Variants in TRHDE observed in about 807,000 individuals in gnomAD.
The protein encoded by TRHDE is thyrotropin releasing hormone degrading enzyme, also known as thyrotropin-releasing hormone-degrading ectoenzyme.
TRHDE carries 72 observed loss-of-function variants against 125.7 expected under a neutral mutation model. The ratio of observed to expected loss-of-function variants is 0.57; its 90% CI spans 0.47 to 0.70. TRHDE has a LOEUF of 0.70. Ranked by LOEUF, TRHDE falls within the 30% of genes least tolerant of loss-of-function variation. TRHDE has a pLI of 0.00. For missense variants in TRHDE, 1,110 were observed against 1,327.1 expected, an observed-to-expected ratio of 0.84 and a Z score of 2.54; for synonymous variants, 509 against 509.1, an observed-to-expected ratio of 1.00 and a Z score of 0.00.
At chr12:72,542,457 C>T in intron 7 of TRHDE, 101 bp downstream of exon 7, 1 of 887,472 alleles carries the variant, frequency 1.1e-6, no homozygotes, top group Admixed American at 2.5e-5. Context: ...TGGTGGAAAA[C>T]TTTAAGATGT....
chr12:72,379,900 C>G (rs1307596126), intron 3 of TRHDE, among the ~76,000 whole-genome samples: 2 of 152,114 alleles, frequency 1.3e-5, no homozygotes, highest in African/African-American at 2.4e-5. Context: ...TAAAGTTCTA[C>G]TTATTTTATA....
In TRHDE at chr12:72,450,799, C is replaced by A. The variant is rs1431510561; in HGVS notation, c.1316-18959C>A. Among the ~76,000 whole-genome samples, 5 of 152,092 alleles carry A rather than the reference C, an allele frequency of 3.3e-5. No individual in the cohort carries two copies. In the East Asian group the frequency reaches 7.7e-4, roughly 24 times the overall value. ...GGATTCCCTTTTCTTCTCATCCTCT[C>A]CAGCACTTAGTATCTTTTGTTTTTT... On this transcript the variant is annotated intron_variant, in intron 3 of 18. Transcript: ENST00000261180.
chr12:72,503,632 A>G (rs779036256), intron 6 of TRHDE, among the ~76,000 whole-genome samples: 11 of 152,184 alleles, frequency 7.2e-5, no homozygotes, highest in Non-Finnish European at 1.3e-4. Flanking sequence ...TAACTTTCAG[A>G]ATAGTTGAAT....
intron 2 of TRHDE, among the ~76,000 whole-genome samples, chr12:72,185,106 C>T (rs555480619): frequency 7.2e-4 from 110 of 152,268 alleles, no homozygotes; most frequent in Middle Eastern, 3.4e-3. Flanking sequence ...TCTGGGTGGG[C>T]GTGGGCTTGG....
Position 72,602,918 on chromosome 12 carries a change from A to G in TRHDE, c.2322-15973A>G, listed in dbSNP as rs1023349366. On this transcript the variant is annotated intron_variant, in intron 12 of 18. Coordinates refer to ENST00000261180, the MANE Select transcript of TRHDE (RefSeq NM_013381.3). ...CTGGATAGGACCTGCCCCTTCAACTATGGATGGTATTTAAACATAAACCAG... is the reference window on the plus strand; with the variant it reads ...CTGGATAGGACCTGCCCCTTCAACTGTGGATGGTATTTAAACATAAACCAG... Among the ~76,000 whole-genome samples, 24 of 152,286 alleles carry G rather than the reference A, an allele frequency of 1.6e-4. No individual in the cohort carries two copies. In the East Asian group the frequency reaches 4.1e-3, roughly 26 times the overall value.
At chr12:72,607,229 C>T (rs1462597769) in intron 12 of TRHDE, among the ~76,000 whole-genome samples, 3 of 152,058 alleles carry the variant, frequency 2.0e-5, no homozygotes, top group Non-Finnish European at 2.9e-5. Context: ...TTCCTCTGTC[C>T]CCTCTTTTCC....
At chr12:72,252,309 T>G (rs1267708167) in intron 2 of TRHDE, among the ~76,000 whole-genome samples, 1 of 152,146 alleles carries the variant, frequency 6.6e-6, no homozygotes, top group African/African-American at 2.4e-5. Context: ...GTATAAGATG[T>G]GAGGTTAAGG....
chr12:72,207,532 A>C (rs1417645346), intron 2 of TRHDE, among the ~76,000 whole-genome samples: 1 of 152,232 alleles, frequency 6.6e-6, no homozygotes, highest in East Asian at 1.9e-4. Flanking sequence ...GCTAGAATTA[A>C]ATATTTATGC....
At chr12:72,641,959 T>C (rs1274014535) in intron 15 of TRHDE, among the ~76,000 whole-genome samples, 1 of 152,202 alleles carries the variant, frequency 6.6e-6, no homozygotes, top group African/African-American at 2.4e-5. Context: ...AATCACAGTT[T>C]GTGATGCTGA....
At chr12:72,127,896 C>T (rs965088014) in intron 2 of TRHDE, among the ~76,000 whole-genome samples, 5 of 151,922 alleles carry the variant, frequency 3.3e-5, no homozygotes, top group African/African-American at 1.2e-4. Context: ...TATATACACA[C>T]ACACAGACAT....
intron 3 of TRHDE, among the ~76,000 whole-genome samples, chr12:72,391,276 A>G (rs1215942911): frequency 6.6e-6 from 1 of 152,092 alleles, no homozygotes; most frequent in African/African-American, 2.4e-5. Context: ...ATATACTTTG[A>G]AATGTAAAGT....
chr12:72,657,136 A>G (rs1251538755), intron 18 of TRHDE, 128 bp downstream of exon 18: 2 of 634,674 alleles, frequency 3.2e-6, no homozygotes, highest in South Asian at 2.0e-5. Flanking sequence ...CACCACACAC[A>G]CACACACACG....
At chr12:72,279,758 G>A (rs2139418125) in intron 1 of TRHDE, among the ~76,000 whole-genome samples, 2 of 152,250 alleles carry the variant, frequency 1.3e-5, no homozygotes, top group South Asian at 2.1e-4. Context: ...TTGCCTCCAA[G>A]CTTCTGAATG....
intron 2 of TRHDE, among the ~76,000 whole-genome samples, chr12:72,134,207 G>GT (rs533413767): frequency 1.3e-5 from 2 of 152,138 alleles, no homozygotes; most frequent in South Asian, 4.1e-4. Flanking sequence ...TCCTTGGTCT[G>GT]TTTTTTTCCC....
At chr12:72,572,224 C>T (rs1050221948) in intron 10 of TRHDE, among the ~76,000 whole-genome samples, 4 of 152,030 alleles carry the variant, frequency 2.6e-5, no homozygotes, top group Non-Finnish European at 5.9e-5. Flanking sequence ...TTTTTAAATT[C>T]CAATTCTTTG....
intron 5 of TRHDE, among the ~76,000 whole-genome samples, chr12:72,481,336 A>G (rs1488943667): frequency 6.6e-6 from 1 of 151,036 alleles, no homozygotes; most frequent in Non-Finnish European, 1.5e-5. Flanking sequence ...AAAAAAAAAA[A>G]CCAGAAAAAT....
intron 9 of TRHDE, among the ~76,000 whole-genome samples, chr12:72,567,736 AAAT>A (rs1221430439): frequency 6.6e-6 from 1 of 152,078 alleles, no homozygotes; most frequent in Non-Finnish European, 1.5e-5. Context: ...TGATAGATTG[AAAT>A]AATCTGGCTA....
intron 2 of TRHDE, among the ~76,000 whole-genome samples, chr12:72,201,145 A>T (rs1033098915): frequency 1.3e-5 from 2 of 152,158 alleles, no homozygotes; most frequent in Non-Finnish European, 2.9e-5. Flanking sequence ...GGAAGAATGG[A>T]AAGAGATGCA....
intron 1 of TRHDE, among the ~76,000 whole-genome samples, chr12:72,285,858 T>C (rs932211870): frequency 6.6e-6 from 1 of 152,212 alleles, no homozygotes; most frequent in Non-Finnish European, 1.5e-5. Context: ...TGTCTTCATT[T>C]GTAACCATAA....
Sources: allele counts gnomAD v4.1 joint callset (sites outside exome capture counted in the v4.1 genomes callset), GRCh38; gene constraint gnomAD v4.1.1; transcripts MANE v1.5; gene names NCBI Gene and HGNC (gene_info 2026-07-23, HGNC 2026-07-21).